The following UNC5C variants were observed in gnomAD, a reference collection of about 807,000 sequenced individuals.
The protein encoded by UNC5C is netrin receptor UNC5C.
In UNC5C, 47 loss-of-function variants were observed where a neutral mutation model predicts 99.8. The observed-to-expected ratio is 0.47, with a 90% CI of 0.37 to 0.60. The LOEUF (loss-of-function observed/expected upper bound fraction) is 0.60. Ranked by LOEUF, UNC5C falls within the 20% of genes least tolerant of loss-of-function variation. UNC5C has a pLI of 0.00. For missense variants in UNC5C, 1,062 were observed against 1,165.9 expected (o/e 0.91, Z 1.30); for synonymous variants, 487 against 452.2 (o/e 1.08, Z -0.98).
intron 1 of UNC5C, among the ~76,000 whole-genome samples, chr4:95,545,171 G>A (rs929441762): frequency 4.6e-5 from 7 of 152,144 alleles, no homozygotes; most frequent in Admixed American, 1.3e-4. Flanking sequence ...GGAGGTGTTC[G>A]AGGACCCTGT....
chr4:95,356,214 A>AAAAAC (rs1744191187), intron 1 of UNC5C, among the ~76,000 whole-genome samples: 1 of 54,310 alleles, frequency 1.8e-5, no homozygotes, highest in Non-Finnish European at 3.8e-5. Context: ...AAAAAAAAAC[A>AAAAAC]AAACAAAAAA....
chr4:95,449,647 T>C (rs1204525219), intron 1 of UNC5C, among the ~76,000 whole-genome samples: 4 of 152,140 alleles, frequency 2.6e-5, no homozygotes, highest in African/African-American at 9.7e-5. Context: ...AAATAGAAGC[T>C]TGTATAAAGA....
chr4:95,302,273 G>A (rs550919950), intron 2 of UNC5C, among the ~76,000 whole-genome samples: 11 of 152,252 alleles, frequency 7.2e-5, no homozygotes, highest in Admixed American at 4.6e-4. Flanking sequence ...TTCTGGTATC[G>A]TATCCGAAGA....
chr4:95,256,794 G>A (rs1441870369), intron 4 of UNC5C, among the ~76,000 whole-genome samples: 1 of 150,448 alleles, frequency 6.6e-6, no homozygotes, highest in Non-Finnish European at 1.5e-5. Context: ...GGAGCAAGGA[G>A]AGCCAATCCA....
chr4:95,268,013 G>A (rs1437627807), intron 4 of UNC5C, among the ~76,000 whole-genome samples: 3 of 144,864 alleles, frequency 2.1e-5, no homozygotes, highest in Non-Finnish European at 4.5e-5. Flanking sequence ...GCAGTGGCGC[G>A]ATCTCGGCTC....
rs79481545 is a variant in UNC5C at position 95,485,002 on chromosome 4, A to T, written c.124+63732T>A. Among the ~76,000 whole-genome samples the T allele has an allele frequency of 1.1e-3, 167 of 152,050 alleles. 1 individual carries two copies. In the East Asian group the frequency reaches 0.022, roughly 20 times the overall value. The stretch of plus-strand genomic sequence containing the variant: ...TGACAAATATAATCTATCCAAGCAT[A>T]TATAAACTCTTTGGGCTTATGTAAC... On this transcript the variant is annotated intron_variant, in intron 1 of 15. Transcript: ENST00000453304.
chr4:95,542,809 TA>T (rs537706247), intron 1 of UNC5C, among the ~76,000 whole-genome samples: 10 of 148,970 alleles, frequency 6.7e-5, no homozygotes, highest in Admixed American at 6.7e-5. Context: ...GTAGACAGGA[TA>T]AAAAAAAAAG....
Position 95,463,935 on chromosome 4 carries a change from T to C in UNC5C, c.124+84799A>G, listed in dbSNP as rs537000658. Among the ~76,000 whole-genome samples the C allele has an allele frequency of 5.3e-5, 8 of 152,354 alleles. No homozygotes were observed. The South Asian group carries it at 1.7e-3, about 32-fold the overall frequency. On this transcript the variant is annotated intron_variant, in intron 1 of 15. Coordinates refer to ENST00000453304, the MANE Select transcript of UNC5C (RefSeq NM_003728.4). ...TCTCCAACTATTATTAAGTCACCAG[T>C]ATTCACCTTAAATAATGAAGCATTT...
chr4:95,329,510 A>T (rs1743030402), intron 2 of UNC5C, among the ~76,000 whole-genome samples: 1 of 152,188 alleles, frequency 6.6e-6, no homozygotes, highest in African/African-American at 2.4e-5. Flanking sequence ...TTAAACACCC[A>T]TCAAGAAATT....
At chr4:95,382,034 C>G (rs1218976443) in intron 1 of UNC5C, among the ~76,000 whole-genome samples, 5 of 152,130 alleles carry the variant, frequency 3.3e-5, no homozygotes, top group Admixed American at 3.3e-4. Flanking sequence ...AAGCTTGTCT[C>G]CAAGCTTCCC....
At chr4:95,261,776 T>C (rs997008911) in intron 4 of UNC5C, among the ~76,000 whole-genome samples, 1 of 151,644 alleles carries the variant, frequency 6.6e-6, no homozygotes, top group Non-Finnish European at 1.5e-5. Flanking sequence ...CGATCTCAGC[T>C]CACTGCAACA....
At chr4:95,223,016 A>C (rs1738531504) in intron 7 of UNC5C, among the ~76,000 whole-genome samples, 1 of 152,192 alleles carries the variant, frequency 6.6e-6, no homozygotes, top group Admixed American at 6.5e-5. Flanking sequence ...CTTTCATCTC[A>C]ATAGAAAAAT....
At chr4:95,499,164 G>T (rs1721706086) in intron 1 of UNC5C, among the ~76,000 whole-genome samples, 1 of 152,044 alleles carries the variant, frequency 6.6e-6, no homozygotes, top group African/African-American at 2.4e-5. Context: ...CTTGAGAAAA[G>T]GTTGGAATCT....
At chr4:95,385,329 C>T (rs534708016) in intron 1 of UNC5C, among the ~76,000 whole-genome samples, 29 of 152,248 alleles carry the variant, frequency 1.9e-4, no homozygotes, top group African/African-American at 5.8e-4. Context: ...TGGATAAACC[C>T]GTACTGCTGT....
At chr4:95,344,586 T>C (rs1743701822) in intron 1 of UNC5C, among the ~76,000 whole-genome samples, 1 of 152,084 alleles carries the variant, frequency 6.6e-6, no homozygotes, top group Non-Finnish European at 1.5e-5. Flanking sequence ...TACTCATATT[T>C]TGAGTAGAAA....
At chr4:95,394,651 C>CTGTGTGTGTGTG (rs10527279) in intron 1 of UNC5C, among the ~76,000 whole-genome samples, 4,130 of 147,682 alleles carry the variant, frequency 0.028, 187 homozygotes, top group African/African-American at 0.084. Context: ...AAGGTATTTG[C>CTGTGTGTGTGTG]TGTGTGTGTG....
intron 1 of UNC5C, among the ~76,000 whole-genome samples, chr4:95,415,359 A>AAAAAC (rs942432586): frequency 5.3e-5 from 8 of 152,112 alleles, no homozygotes; most frequent in African/African-American, 1.9e-4. Context: ...TTGTTAAAAA[A>AAAAAC]AAAACAAAAC....
intron 1 of UNC5C, among the ~76,000 whole-genome samples, chr4:95,511,324 GATCAAAGT>G (rs1722066465): frequency 4.6e-5 from 7 of 152,014 alleles, no homozygotes; most frequent in Non-Finnish European, 5.9e-5. Context: ...TTAATATCAG[GATCAAAGT>G]GTTAATATCA....
At chr4:95,221,419 C>T (rs548583499) in intron 7 of UNC5C, among the ~76,000 whole-genome samples, 23 of 152,192 alleles carry the variant, frequency 1.5e-4, no homozygotes, top group Non-Finnish European at 2.9e-4. Context: ...TCCTAACGCT[C>T]ACAGCCACAT....
Sources: allele counts gnomAD v4.1 joint callset (sites outside exome capture counted in the v4.1 genomes callset), GRCh38; gene constraint gnomAD v4.1.1; transcripts MANE v1.5; gene names NCBI Gene and HGNC (gene_info 2026-07-23, HGNC 2026-07-21).